The following SNX14 variants were observed in gnomAD, a reference collection of about 807,000 sequenced individuals.
SNX14 encodes the protein sorting nexin 14.
Under a neutral mutation model 133.8 loss-of-function variants are expected in SNX14, and 93 were observed. That is an observed-to-expected ratio of 0.70 (90% CI 0.59 to 0.83). The LOEUF is 0.83. Among genes scored for constraint, SNX14 ranks in the 40% least tolerant of loss-of-function variants. The probability of loss-of-function intolerance (pLI) is 0.00; values close to 1 mark genes in which losing one functional copy is unlikely to be tolerated. For missense variants in SNX14, 945 were observed against 1,094.9 expected (o/e 0.86, Z 1.93); for synonymous variants, 368 against 365.6 (o/e 1.01, Z -0.07).
At chr6:85,570,812 C>T (rs1795301424) in intron 4 of SNX14, among the ~76,000 whole-genome samples, 1 of 151,790 alleles carries the variant, frequency 6.6e-6, no homozygotes, top group Non-Finnish European at 1.5e-5. Flanking sequence ...AAGATTATGC[C>T]ACTGCACTCC....
At chr6:85,590,300 A>T (rs1033938060) in intron 1 of SNX14, among the ~76,000 whole-genome samples, 1 of 152,168 alleles carries the variant, frequency 6.6e-6, no homozygotes, top group African/African-American at 2.4e-5. Flanking sequence ...CCTGCCTTAA[A>T]TCCTGGTGCT....
chr6:85,529,294 AAATG>A (rs1446067176), intron 19 of SNX14, among the ~76,000 whole-genome samples: 5 of 151,594 alleles, frequency 3.3e-5, no homozygotes, highest in African/African-American at 1.2e-4. Flanking sequence ...GGAAATAAGG[AAATG>A]AAGGAAGGAA....
chr6:85,551,327 G>A (rs181971456), intron 7 of SNX14, among the ~76,000 whole-genome samples: 4 of 152,264 alleles, frequency 2.6e-5, no homozygotes. Context: ...AGTTCCTGCT[G>A]TTGGGAGCCA....
chr6:85,520,933 A>G (rs957898503), intron 21 of SNX14, among the ~76,000 whole-genome samples: 3 of 152,224 alleles, frequency 2.0e-5, no homozygotes, highest in Admixed American at 2.0e-4. Flanking sequence ...GAACGTTCTT[A>G]AACATGGATA....
rs1401223945 is a variant in SNX14 at position 85,508,070 on chromosome 6, A to C, written c.2654-11T>G. 1 of 1,610,138 alleles carries C rather than the reference A, an allele frequency of 6.2e-7. No homozygotes were observed. The highest frequency in any genetic ancestry group is 1.7e-5 in the Admixed American group (1 of 59,582). ...ACTTGACTAACAGATCTAAACAAAA[A>C]GGCCAAATGTGAAATAATTTTATAT... On this transcript the variant is annotated splice_polypyrimidine_tract_variant and intron_variant, in intron 26 of 28. Transcript: ENST00000314673.
chr6:85,547,328 T>C lies in SNX14; in HGVS notation c.982A>G (p.Lys328Glu). The C allele has an allele frequency of 1.2e-6, 2 of 1,613,414 alleles. No individual in the cohort carries two copies. Among genetic ancestry groups the C allele is most frequent in the Non-Finnish European group, 1.7e-6 (2 of 1,179,904 alleles). Residue 328 changes from lysine (K) to glutamate (E), a missense_variant, in exon 11 of 29, where the codon AAA (lysine) becomes GAA (glutamate). Around this residue, in one of 3 missense-constraint regions of SNX14, gnomAD observed 514 missense variants for 538.8 expected, o/e 0.95. Transcript: ENST00000314673. Reference protein sequence around the residue: ...FLQKFAEPRNKKPSVLKLELK... With the variant: ...FLQKFAEPRNEKPSVLKLELK... ...CTGAAAATTCTTACAGATGGCTTTT[T>C]ATTTCTAGGTTCTGCAAATTTCTGC... is the stretch of plus-strand genomic sequence containing the variant.
chr6:85,582,193 T>C (rs7771366), intron 1 of SNX14, among the ~76,000 whole-genome samples: 18,102 of 152,096 alleles, frequency 0.12, 1,664 homozygotes, highest in African/African-American at 0.26. Flanking sequence ...ACATAGGATA[T>C]AAAGTGCATG....
At chr6:85,534,662 G>A (rs151197027) in intron 17 of SNX14, among the ~76,000 whole-genome samples, 118 of 152,230 alleles carry the variant, frequency 7.8e-4, no homozygotes, top group African/African-American at 2.8e-3. Context: ...AGTACAACTT[G>A]TGTATCAAGC....
In SNX14 at chr6:85,572,229, A is replaced by T. The variant is rs1294728808; in HGVS notation, c.339-14T>A. ...AGCAAAGAAGGCCTAAAGAAAAATT[A>T]TACAACTAAATCACTTGAAATCCAA... On this transcript the variant is annotated splice_polypyrimidine_tract_variant and intron_variant, in intron 3 of 28. Coordinates refer to ENST00000314673, the MANE Select transcript of SNX14 (RefSeq NM_153816.6). 6.2e-7 allele frequency: 1 copy of T among 1,613,106 alleles called. No individual in the cohort carries two copies. Among genetic ancestry groups the T allele is most frequent in the South Asian group, 1.1e-5 (1 of 90,898 alleles).
In SNX14 at chr6:85,530,320, A is replaced by G. The variant is rs1398932995; in HGVS notation, c.1811-45T>C. Reference sequence around the variant, plus strand: ...ACACTGAGTAACAAATAATTTCAAAACCTAAAAGAATGCCATATTTAAAAC... The same window carrying G: ...ACACTGAGTAACAAATAATTTCAAAGCCTAAAAGAATGCCATATTTAAAAC... On this transcript the variant is annotated intron_variant, in intron 18 of 28. Transcript: ENST00000314673. The G allele has an allele frequency of 5.7e-6, 7 of 1,224,218 alleles. No individual in the cohort carries two copies. In the East Asian group the frequency reaches 7.6e-5, roughly 13 times the overall value. 75.8% of individuals were successfully genotyped at this position (1,224,218 alleles called of 1,614,324 possible).
chr6:85,514,428 C>A (rs1451321938), intron 24 of SNX14, 78 bp downstream of exon 24: 68 of 1,533,132 alleles, frequency 4.4e-5, no homozygotes, highest in Non-Finnish European at 5.9e-5. Flanking sequence ...TATGATGGGG[C>A]AATACTCAAG....
chr6:85,512,377 T>C (rs1773201492), intron 26 of SNX14, among the ~76,000 whole-genome samples: 1 of 152,108 alleles, frequency 6.6e-6, no homozygotes, highest in Admixed American at 6.5e-5. Flanking sequence ...ACCCCAGCAC[T>C]TTTGAAGGCC....
At position 85,548,346 on chromosome 6, in the gene SNX14, C is replaced by T. The variant is rs1420728350; in HGVS notation, c.822G>A (p.Leu274=). ...RSLTLLIREI[L]SGSVFLPSLD... is the part of the protein sequence containing the mutation. ...AAGAAGGAAGGAACACAGAGCCAGA[C>T]AGAATCTCTCTTATAAGTAAGGTCA... The change falls in exon 9 of 29, where the codon CTG becomes CTA. Residue 274 remains leucine, a synonymous_variant. Transcript: ENST00000314673. The T allele has an allele frequency of 6.2e-7, 1 of 1,607,330 alleles. No individual in the cohort carries two copies. The highest frequency in any genetic ancestry group is 8.5e-7 in the Non-Finnish European group (1 of 1,177,674).
Position 85,591,086 on chromosome 6 carries a change from T to C in SNX14, c.140+2493A>G, listed in dbSNP as rs543122723. ...CTGACTTCATAGGGGTCAGTGGCCC[T>C]AATCTCTGCACTGTTCAAGGATCAA... On this transcript the variant is annotated intron_variant, in intron 1 of 28. Transcript: ENST00000314673. Among the ~76,000 whole-genome samples the C allele has an allele frequency of 6.5e-4, 99 of 152,348 alleles. 1 individual carries two copies. In the Middle Eastern group the frequency reaches 0.01, roughly 16 times the overall value.
chr6:85,593,804 A>G lies in SNX14; in HGVS notation c.-86T>C. 6.3e-7 allele frequency: 1 copy of G among 1,581,882 alleles called. No homozygotes were observed. Among genetic ancestry groups the G allele is most frequent in the Non-Finnish European group, 8.6e-7 (1 of 1,169,096 alleles). On this transcript the variant is annotated 5_prime_UTR_variant, in exon 1 of 29. Transcript: ENST00000314673. ...CATCCACACCTCGCGTCCCCGCCCC[A>G]CCGACTTGGCGGCGCACACAGACGC...
intron 1 of SNX14, among the ~76,000 whole-genome samples, chr6:85,591,284 A>T (rs965048743): frequency 6.6e-6 from 1 of 151,574 alleles, no homozygotes; most frequent in Non-Finnish European, 1.5e-5. Context: ...ACACATATAC[A>T]CTGAAAAGCA....
chr6:85,551,359 T>A (rs1030840921), intron 7 of SNX14, among the ~76,000 whole-genome samples: 5 of 152,038 alleles, frequency 3.3e-5, no homozygotes, highest in Non-Finnish European at 5.9e-5. Context: ...GGCTGGAAAC[T>A]CCCTCCCACT....
intron 21 of SNX14, among the ~76,000 whole-genome samples, chr6:85,523,032 G>C (rs1305871224): frequency 2.0e-5 from 3 of 152,158 alleles, no homozygotes; most frequent in Non-Finnish European, 4.4e-5. Context: ...CTTCAAAAAT[G>C]GGTAATATGG....
chr6:85,511,155 G>A (rs991145817), intron 26 of SNX14, among the ~76,000 whole-genome samples: 2 of 151,474 alleles, frequency 1.3e-5, no homozygotes, highest in Admixed American at 1.3e-4. Context: ...TACTACCCAA[G>A]TATTCCACTT....
Sources: allele counts gnomAD v4.1 joint callset (sites outside exome capture counted in the v4.1 genomes callset), GRCh38; gene constraint gnomAD v4.1.1; regional missense constraint gnomAD v4.1.1; transcripts MANE v1.5; gene names NCBI Gene and HGNC (gene_info 2026-07-23, HGNC 2026-07-21).